The following STK39 variants were observed in gnomAD, a reference collection of about 807,000 sequenced individuals.
STK39 encodes STE20/SPS1-related proline-alanine-rich protein kinase.
Under a neutral mutation model 77.8 loss-of-function variants are expected in STK39, and 20 were observed. The observed-to-expected ratio is 0.26, with a 90% CI of 0.18 to 0.37. The LOEUF is 0.37. Among genes scored for constraint, STK39 ranks in the 10% least tolerant of loss-of-function variants. The pLI is 1.00. For synonymous variants in STK39, 246 were observed against 234.1 expected (o/e 1.05, Z -0.47); for missense variants, 479 against 656.5 (o/e 0.73, Z 2.95).
chr2:168,131,788 T>C (rs1319860550), intron 8 of STK39, among the ~76,000 whole-genome samples: 3 of 152,192 alleles, frequency 2.0e-5, no homozygotes, highest in Non-Finnish European at 4.4e-5. Context: ...TATAACTCTT[T>C]CAAATGATTC....
intron 2 of STK39, among the ~76,000 whole-genome samples, chr2:168,170,739 C>T (rs1333538072): frequency 6.6e-6 from 1 of 152,120 alleles, no homozygotes; most frequent in East Asian, 1.9e-4. Flanking sequence ...CAAAAGTGCC[C>T]AGTAGTGGGT....
intron 10 of STK39, among the ~76,000 whole-genome samples, chr2:168,106,333 GAA>G (rs1218708146): frequency 6.6e-6 from 1 of 152,146 alleles, no homozygotes; most frequent in African/African-American, 2.4e-5. Flanking sequence ...ATGATTCAAT[GAA>G]AAGATATTGA....
intron 5 of STK39, among the ~76,000 whole-genome samples, chr2:168,146,534 G>A (rs1370721081): frequency 6.6e-6 from 1 of 152,176 alleles, no homozygotes. Context: ...CATAGCTTCA[G>A]GGGACCCTGA....
At chr2:168,110,927 T>C (rs1289102845) in intron 10 of STK39, among the ~76,000 whole-genome samples, 1 of 152,184 alleles carries the variant, frequency 6.6e-6, no homozygotes, top group Non-Finnish European at 1.5e-5. Flanking sequence ...TGTTATTTAT[T>C]AGGTTTTCTT....
At chr2:168,218,708 C>T (rs1293293654) in intron 1 of STK39, among the ~76,000 whole-genome samples, 1 of 152,080 alleles carries the variant, frequency 6.6e-6, no homozygotes, top group Non-Finnish European at 1.5e-5. Context: ...CTCCTCCACC[C>T]CCAAAAAAAT....
At chr2:168,084,279 A>G (rs1224270218) in intron 10 of STK39, among the ~76,000 whole-genome samples, 1 of 152,236 alleles carries the variant, frequency 6.6e-6, no homozygotes, top group Non-Finnish European at 1.5e-5. Context: ...AGAAATCAGC[A>G]TGTTAATCAC....
rs147056582 is a variant in STK39, at chr2:168,095,467, A to G, written c.1090-20236T>C. Among the ~76,000 whole-genome samples, 18 of 152,242 alleles carry G rather than the reference A, an allele frequency of 1.2e-4. 1 individual carries two copies. The East Asian group carries it at 3.5e-3, about 29-fold the overall frequency. ...GAACAATCTTCAATTCTCTGATTCA[A>G]TGATCTACAATTAGTCTCCCAGAAC... On this transcript the variant is annotated intron_variant, in intron 10 of 17. Transcript: ENST00000355999.
chr2:167,997,567 A>T (rs1358816327), intron 16 of STK39, among the ~76,000 whole-genome samples: 1 of 152,178 alleles, frequency 6.6e-6, no homozygotes, highest in South Asian at 2.1e-4. Context: ...CAAGTCACAT[A>T]TCTTCACTGA....
chr2:168,046,335 C>A lies in STK39; in HGVS notation c.1376+17165G>T, dbSNP rs181075521. Reference sequence around the variant, plus strand: ...AAGCCAAGATCGTGCCACTGCACTCCAGCCTGGCAACAGAGGGAGACTCCT... The same window carrying A: ...AAGCCAAGATCGTGCCACTGCACTCAAGCCTGGCAACAGAGGGAGACTCCT... On this transcript the variant is annotated intron_variant, in intron 14 of 17. Coordinates refer to ENST00000355999, the MANE Select transcript of STK39 (RefSeq NM_013233.3). Among the ~76,000 whole-genome samples the A allele has an allele frequency of 2.0e-5, 3 of 152,304 alleles. No individual in the cohort carries two copies. In the East Asian group the frequency reaches 5.8e-4, roughly 29 times the overall value.
At chr2:168,105,050 T>C (rs1007825362) in intron 10 of STK39, among the ~76,000 whole-genome samples, 1 of 152,218 alleles carries the variant, frequency 6.6e-6, no homozygotes, top group Non-Finnish European at 1.5e-5. Flanking sequence ...CATTACCTTT[T>C]GGAGTTAAAA....
intron 10 of STK39, among the ~76,000 whole-genome samples, chr2:168,084,035 T>TA (rs34902311): frequency 4.1e-5 from 6 of 147,742 alleles, no homozygotes; most frequent in African/African-American, 1.5e-4. Context: ...CATATCAAGT[T>TA]AAAAAAAAAA....
chr2:167,976,564 C>T (rs1683281448), intron 16 of STK39, among the ~76,000 whole-genome samples: 1 of 152,178 alleles, frequency 6.6e-6, no homozygotes, highest in East Asian at 1.9e-4. Context: ...TAGATAACAT[C>T]ACTACTGTAG....
At chr2:168,016,035 CT>C (rs1684395169) in intron 15 of STK39, among the ~76,000 whole-genome samples, 2 of 152,254 alleles carry the variant, frequency 1.3e-5, no homozygotes, top group African/African-American at 4.8e-5. Flanking sequence ...TCAAGTGATT[CT>C]CTTGCCTCAG....
At chr2:168,189,411 T>TG (rs1689283429) in intron 1 of STK39, among the ~76,000 whole-genome samples, 2 of 147,008 alleles carry the variant, frequency 1.4e-5, no homozygotes, top group Non-Finnish European at 3.0e-5. Context: ...AAGCAACAAC[T>TG]AAAAAAAAAA....
At chr2:167,997,853 T>C (rs888755750) in intron 16 of STK39, among the ~76,000 whole-genome samples, 17 of 152,176 alleles carry the variant, frequency 1.1e-4, no homozygotes, top group African/African-American at 4.1e-4. Context: ...TAATGGCGAC[T>C]ACAGTGCTGT....
intron 10 of STK39, among the ~76,000 whole-genome samples, chr2:168,093,016 G>T (rs994930724): frequency 6.6e-6 from 1 of 152,152 alleles, no homozygotes; most frequent in Non-Finnish European, 1.5e-5. Context: ...TTGCAGACAT[G>T]CATATTGGTC....
intron 16 of STK39, among the ~76,000 whole-genome samples, chr2:167,992,198 T>C (rs553107448): frequency 1.3e-5 from 2 of 152,262 alleles, no homozygotes; most frequent in South Asian, 4.1e-4. Context: ...ATGCCAAAAA[T>C]TGTTTTCAGA....
At chr2:168,209,517 A>G (rs1319432363) in intron 1 of STK39, among the ~76,000 whole-genome samples, 2 of 151,856 alleles carry the variant, frequency 1.3e-5, no homozygotes, top group African/African-American at 4.8e-5. Context: ...TCTCTACTAA[A>G]AATACAAAAT....
At chr2:168,172,717 A>G (rs1345368626) in intron 2 of STK39, among the ~76,000 whole-genome samples, 4 of 152,228 alleles carry the variant, frequency 2.6e-5, no homozygotes, top group African/African-American at 9.6e-5. Context: ...ACTATACTTA[A>G]CCAAATTTGC....
Sources: gnomAD v4.1 joint callset for allele counts (sites outside exome capture counted in the v4.1 genomes callset) on GRCh38, gnomAD v4.1.1 for gene constraint, MANE v1.5 for transcripts, NCBI Gene and HGNC (gene_info 2026-07-23, HGNC 2026-07-21) for gene names.